GRM7: variants seen among roughly 807,000 people sequenced by gnomAD.
GRM7 encodes the protein glutamate metabotropic receptor 7.
In GRM7, 35 loss-of-function variants were observed where a neutral mutation model predicts 84.5. That is an observed-to-expected ratio of 0.41 (90% CI 0.32 to 0.55). The LOEUF (loss-of-function observed/expected upper bound fraction) is 0.55, where lower values mean the gene tolerates loss of function less well. GRM7 is among the 20% of genes least tolerant of loss of function. The probability of loss-of-function intolerance (pLI) is 0.19; values close to 1 mark genes in which losing one functional copy is unlikely to be tolerated. For missense variants in GRM7, 1,003 were observed against 1,194.6 expected, an observed-to-expected ratio of 0.84 and a Z score of 2.36; for synonymous variants, 487 against 455.1, an observed-to-expected ratio of 1.07 and a Z score of -0.89.
chr3:7,658,482 T>G (rs1458140619), intron 8 of GRM7, among the ~76,000 whole-genome samples: 1 of 152,152 alleles, frequency 6.6e-6, no homozygotes, highest in Non-Finnish European at 1.5e-5. Flanking sequence ...TCATGCAATC[T>G]CTGACATTTA....
At chr3:6,877,325 G>A (rs760955074) in intron 1 of GRM7, among the ~76,000 whole-genome samples, 221 of 152,128 alleles carry the variant, frequency 1.5e-3, no homozygotes, top group Non-Finnish European at 2.1e-3. Context: ...GCACCTTGAC[G>A]CCAGGATACA....
At chr3:7,512,534 C>A (rs1427685689) in intron 7 of GRM7, among the ~76,000 whole-genome samples, 1 of 149,122 alleles carries the variant, frequency 6.7e-6, no homozygotes, top group African/African-American at 2.5e-5. Context: ...CTTTAGAAAT[C>A]TTTTTGGAAG....
chr3:7,587,358 C>T (rs1407827203), intron 8 of GRM7, among the ~76,000 whole-genome samples: 2 of 152,164 alleles, frequency 1.3e-5, no homozygotes, highest in Non-Finnish European at 2.9e-5. Flanking sequence ...GGTAAATGCT[C>T]AGTAAAGGAT....
chr3:7,204,554 C>T (rs11710946), intron 2 of GRM7, among the ~76,000 whole-genome samples: 40,399 of 152,174 alleles, frequency 0.27, 6,614 homozygotes, highest in Non-Finnish European at 0.38. Flanking sequence ...CTGGTTCTCC[C>T]TGAAGCACAC....
chr3:7,220,057 G>A (rs1162852580), intron 2 of GRM7, among the ~76,000 whole-genome samples: 4 of 152,156 alleles, frequency 2.6e-5, no homozygotes, highest in Admixed American at 6.5e-5. Flanking sequence ...TAAGTCCCTG[G>A]CTGATATAAA....
At chr3:7,573,669 G>C (rs550603076) in intron 7 of GRM7, among the ~76,000 whole-genome samples, 1 of 152,314 alleles carries the variant, frequency 6.6e-6, no homozygotes, top group Admixed American at 6.5e-5. Context: ...CAACATGTGT[G>C]CTAGAAAACT....
At chr3:6,905,229 T>C (rs1287946493) in intron 1 of GRM7, among the ~76,000 whole-genome samples, 1 of 152,236 alleles carries the variant, frequency 6.6e-6, no homozygotes, top group African/African-American at 2.4e-5. Context: ...TGTTACGTTG[T>C]CTCATCCTTA....
intron 1 of GRM7, among the ~76,000 whole-genome samples, chr3:7,114,773 G>A (rs1409611023): frequency 1.3e-5 from 2 of 152,118 alleles, no homozygotes; most frequent in Non-Finnish European, 2.9e-5. Context: ...CAGGTCTGGG[G>A]TAAAAGTCAG....
chr3:7,029,069 C>A (rs964565967), intron 1 of GRM7, among the ~76,000 whole-genome samples: 36 of 151,994 alleles, frequency 2.4e-4, no homozygotes, highest in African/African-American at 8.0e-4. Flanking sequence ...TTTGGGAGGC[C>A]AAGGAGGGCG....
intron 5 of GRM7, among the ~76,000 whole-genome samples, chr3:7,444,474 C>G (rs1242141601): frequency 6.6e-6 from 1 of 152,136 alleles, no homozygotes; most frequent in Non-Finnish European, 1.5e-5. Flanking sequence ...TGTCTGGTAA[C>G]AAGGTATATT....
intron 2 of GRM7, among the ~76,000 whole-genome samples, chr3:7,182,899 T>G (rs936012450): frequency 4.7e-5 from 7 of 150,196 alleles, no homozygotes; most frequent in South Asian, 2.1e-4. Context: ...TGAAAGTGTT[T>G]TTTTTTTTTT....
chr3:7,171,477 T>C (rs1694981260), intron 2 of GRM7, among the ~76,000 whole-genome samples: 1 of 152,172 alleles, frequency 6.6e-6, no homozygotes, highest in African/African-American at 2.4e-5. Flanking sequence ...ATAATTCAAC[T>C]CACAGCTATA....
chr3:7,634,080 T>G (rs2125098774), intron 8 of GRM7, among the ~76,000 whole-genome samples: 1 of 152,198 alleles, frequency 6.6e-6, no homozygotes, highest in Middle Eastern at 3.4e-3. Context: ...TCTAACATTG[T>G]GCTTAGCACA....
At chr3:7,569,898 G>T (rs543993766) in intron 7 of GRM7, among the ~76,000 whole-genome samples, 13 of 152,286 alleles carry the variant, frequency 8.5e-5, no homozygotes, top group African/African-American at 3.1e-4. Flanking sequence ...TTTAAGAACT[G>T]CAACACTCAC....
chr3:7,612,225 C>T (rs774436534), intron 8 of GRM7, among the ~76,000 whole-genome samples: 52 of 152,178 alleles, frequency 3.4e-4, no homozygotes, highest in East Asian at 1.9e-4. Flanking sequence ...TTTTGGGTTA[C>T]GTGCCCTTAG....
chr3:7,567,075 T>C (rs1694315852), intron 7 of GRM7, among the ~76,000 whole-genome samples: 1 of 152,208 alleles, frequency 6.6e-6, no homozygotes, highest in African/African-American at 2.4e-5. Context: ...TTGTGTTCCA[T>C]TAGACTTGGT....
intron 1 of GRM7, among the ~76,000 whole-genome samples, chr3:7,008,055 A>G (rs572549788): frequency 9.3e-4 from 142 of 152,062 alleles, no homozygotes; most frequent in Non-Finnish European, 1.9e-3. Context: ...CAAGTAAAAG[A>G]TGGTATAGAC....
intron 5 of GRM7, among the ~76,000 whole-genome samples, chr3:7,422,940 G>A (rs1306462691): frequency 6.6e-6 from 1 of 152,096 alleles, no homozygotes; most frequent in East Asian, 1.9e-4. Flanking sequence ...CAAAGTAGAT[G>A]GATGGCAACC....
At chr3:7,174,780 G>C (rs1214159812) in intron 2 of GRM7, among the ~76,000 whole-genome samples, 1 of 152,236 alleles carries the variant, frequency 6.6e-6, no homozygotes, top group African/African-American at 2.4e-5. Flanking sequence ...TAGAGGCAAA[G>C]GGTACTGATA....
Sources: gnomAD v4.1 joint callset for allele counts (sites outside exome capture counted in the v4.1 genomes callset) on GRCh38, gnomAD v4.1.1 for gene constraint, MANE v1.5 for transcripts, NCBI Gene and HGNC (gene_info 2026-07-23, HGNC 2026-07-21) for gene names.